Variants in COL5A2 observed in about 807,000 individuals in gnomAD.
COL5A2 encodes collagen alpha-2(V) chain.
COL5A2 carries 23 observed loss-of-function variants against 208.2 expected under a neutral mutation model. The ratio of observed to expected loss-of-function variants is 0.11; its 90% CI spans 0.08 to 0.16. The LOEUF (loss-of-function observed/expected upper bound fraction) is 0.16. Ranked by LOEUF, COL5A2 falls within the 10% of genes least tolerant of loss-of-function variation. The probability of loss-of-function intolerance (pLI) is 1.00; values close to 1 mark genes in which losing one functional copy is unlikely to be tolerated. For missense variants in COL5A2, 1,590 were observed against 1,956.4 expected, an observed-to-expected ratio of 0.81 and a Z score of 3.53; for synonymous variants, 625 against 628.5, an observed-to-expected ratio of 0.99 and a Z score of 0.08.
chr2:189,297,663 A>C, the COL5A2 span, among the ~76,000 whole-genome samples: 1 of 152,148 alleles, frequency 6.6e-6, no homozygotes, highest in African/African-American at 2.4e-5. Context: ...ACAACCACAA[A>C]AATGTCCTTC....
chr2:189,278,597 G>A, the COL5A2 span, among the ~76,000 whole-genome samples: 1 of 151,988 alleles, frequency 6.6e-6, no homozygotes, highest in East Asian at 1.9e-4. Flanking sequence ...CTTATATCCT[G>A]TTTGGCACAC....
At chr2:189,179,094 G>A (rs1217099290) in intron 1 of COL5A2, among the ~76,000 whole-genome samples, 1 of 152,174 alleles carries the variant, frequency 6.6e-6, no homozygotes, top group Non-Finnish European at 1.5e-5. Context: ...AGCAGCTGAA[G>A]TTCAGTACAA....
At chr2:189,384,856 A>T in the COL5A2 span, among the ~76,000 whole-genome samples, 3 of 152,076 alleles carry the variant, frequency 2.0e-5, no homozygotes, top group Non-Finnish European at 4.4e-5. Flanking sequence ...GAACTTTCAA[A>T]ATCATGTTGA....
chr2:189,120,737 A>G (rs1687483726), intron 1 of COL5A2, among the ~76,000 whole-genome samples: 1 of 152,196 alleles, frequency 6.6e-6, no homozygotes, highest in Non-Finnish European at 1.5e-5. Context: ...ATGATCCCTC[A>G]GAATATACCA....
chr2:189,235,605 T>C, the COL5A2 span, among the ~76,000 whole-genome samples: 1 of 151,868 alleles, frequency 6.6e-6, no homozygotes. Flanking sequence ...GTCAGCATTA[T>C]ATCTCAGCCA....
At chr2:189,232,934 C>T in the COL5A2 span, among the ~76,000 whole-genome samples, 1 of 151,560 alleles carries the variant, frequency 6.6e-6, no homozygotes, top group African/African-American at 2.4e-5. Context: ...GTGGAATCAC[C>T]CCTGAGAAAA....
intron 1 of COL5A2, among the ~76,000 whole-genome samples, chr2:189,148,224 C>T (rs940766705): frequency 6.6e-6 from 1 of 151,964 alleles, no homozygotes; most frequent in Non-Finnish European, 1.5e-5. Context: ...GATAGCCAAG[C>T]AAGATGCTAG....
At chr2:189,121,098 T>G (rs2105735040) in intron 1 of COL5A2, among the ~76,000 whole-genome samples, 1 of 152,008 alleles carries the variant, frequency 6.6e-6, no homozygotes, top group Non-Finnish European at 1.5e-5. Flanking sequence ...AAATCTTGGT[T>G]GTTGTGGGAA....
intron 1 of COL5A2, among the ~76,000 whole-genome samples, chr2:189,214,212 A>G (rs1206122475): frequency 6.6e-6 from 1 of 152,156 alleles, no homozygotes; most frequent in East Asian, 1.9e-4. Flanking sequence ...GCCTAAAAAT[A>G]TGAAGCCTGA....
the COL5A2 span, among the ~76,000 whole-genome samples, chr2:189,281,012 C>T: frequency 2.6e-5 from 4 of 151,766 alleles, no homozygotes; most frequent in Non-Finnish European, 5.9e-5. Flanking sequence ...CAATCTAATA[C>T]ATTATTTTTC....
the COL5A2 span, among the ~76,000 whole-genome samples, chr2:189,253,051 G>A: frequency 6.6e-6 from 1 of 152,138 alleles, no homozygotes; most frequent in Non-Finnish European, 1.5e-5. Flanking sequence ...GGTAATTCTG[G>A]GGACAGTTGT....
At chr2:189,329,934 A>G in the COL5A2 span, among the ~76,000 whole-genome samples, 1 of 152,110 alleles carries the variant, frequency 6.6e-6, no homozygotes, top group African/African-American at 2.4e-5. Context: ...TATGAGCGGT[A>G]AGAGAGAGGA....
intron 1 of COL5A2, among the ~76,000 whole-genome samples, chr2:189,116,327 C>T (rs1239303230): frequency 6.6e-6 from 1 of 152,122 alleles, no homozygotes; most frequent in East Asian, 1.9e-4. Context: ...GAGAACCTAC[C>T]AAGGAAATCC....
chr2:189,419,828 A>G, the COL5A2 span, among the ~76,000 whole-genome samples: 1 of 150,164 alleles, frequency 6.7e-6, no homozygotes, highest in Non-Finnish European at 1.5e-5. Flanking sequence ...AAAAGAGAGG[A>G]GAGGAGAGGA....
chr2:189,418,432 A>ATTTTT, the COL5A2 span, among the ~76,000 whole-genome samples: 2 of 152,160 alleles, frequency 1.3e-5, no homozygotes, highest in African/African-American at 4.8e-5. Context: ...TAACTCAGTG[A>ATTTTT]CCATGACCTA....
At chr2:189,201,040 T>C (rs982527155) in intron 1 of COL5A2, among the ~76,000 whole-genome samples, 1 of 151,966 alleles carries the variant, frequency 6.6e-6, no homozygotes, top group Non-Finnish European at 1.5e-5. Context: ...TCTTTAGAAA[T>C]AGTTAAAGTG....
intron 22 of COL5A2, 99 bp from the exon 23 acceptor site, chr2:189,066,596 A>C: frequency 7.3e-7 from 1 of 1,364,028 alleles, no homozygotes; most frequent in South Asian, 1.2e-5. Flanking sequence ...ATTTTAAAGT[A>C]TATGGAACAA....
intron 4 of COL5A2, 101 bp from the exon 5 acceptor site, chr2:189,098,860 T>C: frequency 2.4e-6 from 2 of 821,190 alleles, no homozygotes; most frequent in Non-Finnish European, 4.1e-6. Flanking sequence ...CACAGTAATT[T>C]TTTTAACAAA....
intron 45 of COL5A2, among the ~76,000 whole-genome samples, chr2:189,046,768 A>G (rs1685676714): frequency 6.6e-6 from 1 of 152,082 alleles, no homozygotes; most frequent in Non-Finnish European, 1.5e-5. Flanking sequence ...GTTATAGAAC[A>G]GACACATAAT....
Sources: allele counts gnomAD v4.1 joint callset (sites outside exome capture counted in the v4.1 genomes callset), GRCh38; gene constraint gnomAD v4.1.1; transcripts MANE v1.5; gene names NCBI Gene and HGNC (gene_info 2026-07-23, HGNC 2026-07-21).